The following EYA1 variants were observed in gnomAD, a reference collection of about 807,000 sequenced individuals.
The protein encoded by EYA1 is EYA transcriptional coactivator and phosphatase 1.
In EYA1, 16 loss-of-function variants were observed where a neutral mutation model predicts 82.0. The observed-to-expected ratio is 0.20, with a 90% CI of 0.13 to 0.30. The LOEUF is 0.30. Among genes scored for constraint, EYA1 ranks in the 10% least tolerant of loss-of-function variants. The probability of loss-of-function intolerance (pLI) is 1.00; values close to 1 mark genes in which losing one functional copy is unlikely to be tolerated. For missense variants in EYA1, 633 were observed against 730.7 expected, an observed-to-expected ratio of 0.87 and a Z score of 1.54; for synonymous variants, 261 against 264.4, an observed-to-expected ratio of 0.99 and a Z score of 0.12.
chr8:71,445,930 C>A (rs971841401), intron 2 of EYA1, among the ~76,000 whole-genome samples: 1 of 152,204 alleles, frequency 6.6e-6, no homozygotes, highest in Non-Finnish European at 1.5e-5. Flanking sequence ...CCTTTCTACT[C>A]TTATTTGGCT....
intron 2 of EYA1, among the ~76,000 whole-genome samples, chr8:71,528,861 G>A (rs1814025777): frequency 6.6e-6 from 1 of 152,176 alleles, no homozygotes; most frequent in Non-Finnish European, 1.5e-5. Context: ...GGCTTGGAAA[G>A]GCGAAAACAG....
In EYA1 at chr8:71,455,607, C is replaced by A. The variant is rs140454900; in HGVS notation, c.33+80137G>T. Among the ~76,000 whole-genome samples, 482 of 152,200 alleles carry A rather than the reference C, an allele frequency of 3.2e-3. 3 individuals carry two copies. The highest frequency in any genetic ancestry group is 0.011 in the African/African-American group (458 of 41,534). Reference sequence around the variant, plus strand: ...TGGGATGCAAGGCTGGTTCAATACACAGAAATCAATAAATATAATCCAGCA... The same window carrying A: ...TGGGATGCAAGGCTGGTTCAATACAAAGAAATCAATAAATATAATCCAGCA... On this transcript the variant is annotated intron_variant, in intron 2 of 18. Coordinates refer to the EYA1 transcript ENST00000643681.
intron 11 of EYA1, among the ~76,000 whole-genome samples, chr8:71,251,013 G>C (rs986396518): frequency 3.9e-5 from 6 of 152,200 alleles, no homozygotes; most frequent in Admixed American, 1.3e-4. Flanking sequence ...ACATAAGATA[G>C]TATTAAACAT....
intron 2 of EYA1, among the ~76,000 whole-genome samples, chr8:71,378,770 A>G (rs939314137): frequency 6.6e-6 from 1 of 152,184 alleles, no homozygotes; most frequent in Admixed American, 6.5e-5. Context: ...ACTACATCCT[A>G]AAGTCATAGA....
chr8:71,227,152 A>T (rs1041325789), intron 12 of EYA1, among the ~76,000 whole-genome samples: 2 of 152,176 alleles, frequency 1.3e-5, no homozygotes, highest in African/African-American at 4.8e-5. Flanking sequence ...CATTAAAAAA[A>T]CTCAGCACAC....
At chr8:71,356,766 T>C in intron 1 of EYA1, 3 of 1,182,900 alleles carry the variant, frequency 2.5e-6, no homozygotes, top group Non-Finnish European at 3.1e-6. Flanking sequence ...GATTCATCAC[T>C]GGCCTATGAC....
intron 16 of EYA1, among the ~76,000 whole-genome samples, chr8:71,211,978 C>T (rs4738116): frequency 0.34 from 51,634 of 151,998 alleles, 9,442 homozygotes; most frequent in East Asian, 0.76. Context: ...TATCTGTCTA[C>T]TATCTTTCCC....
At chr8:71,450,634 G>A (rs1183823853) in intron 2 of EYA1, among the ~76,000 whole-genome samples, 3 of 152,220 alleles carry the variant, frequency 2.0e-5, no homozygotes, top group Admixed American at 1.3e-4. Flanking sequence ...AGCATGTGCT[G>A]TTGGGAAAAT....
intron 2 of EYA1, among the ~76,000 whole-genome samples, chr8:71,368,869 G>GA (rs1364714178): frequency 4.6e-5 from 7 of 151,162 alleles, no homozygotes; most frequent in South Asian, 2.1e-4. Flanking sequence ...ACGTGAAAAG[G>GA]AAAAAAAATT....
chr8:71,217,137 A>T, intron 12 of EYA1, 114 bp from the exon 13 acceptor site: 1 of 783,496 alleles, frequency 1.3e-6, no homozygotes, highest in South Asian at 1.5e-5. Flanking sequence ...AGGATTTTTC[A>T]ACTATGTCAA....
chr8:71,357,204 G>A (rs1017508763), intron 1 of EYA1, among the ~76,000 whole-genome samples: 2 of 152,198 alleles, frequency 1.3e-5, no homozygotes, highest in African/African-American at 4.8e-5. Context: ...GTTCTGCCTG[G>A]TAAACCAGAA....
At chr8:71,520,615 A>G (rs1813327294) in intron 2 of EYA1, among the ~76,000 whole-genome samples, 1 of 152,136 alleles carries the variant, frequency 6.6e-6, no homozygotes, top group South Asian at 2.1e-4. Flanking sequence ...TCCAAAGTAA[A>G]CAGAATCACA....
At chr8:71,210,017 T>G (rs747160932) in intron 17 of EYA1, among the ~76,000 whole-genome samples, 1 of 152,226 alleles carries the variant, frequency 6.6e-6, no homozygotes, top group Non-Finnish European at 1.5e-5. Context: ...ATGGGAATTA[T>G]ATATCTTTAC....
intron 9 of EYA1, among the ~76,000 whole-genome samples, chr8:71,298,191 T>G (rs868463831): frequency 4.6e-5 from 7 of 152,152 alleles, no homozygotes; most frequent in Admixed American, 1.3e-4. Flanking sequence ...GAGAGGTAAT[T>G]TTTTCAATGT....
chr8:71,533,735 G>A (rs144759720), intron 2 of EYA1, among the ~76,000 whole-genome samples: 167 of 152,276 alleles, frequency 1.1e-3, no homozygotes, highest in African/African-American at 3.7e-3. Context: ...GTCCTCACAC[G>A]AGGCCTCTGA....
chr8:71,338,317 G>A (rs1563493382), intron 3 of EYA1, among the ~76,000 whole-genome samples: 1 of 152,206 alleles, frequency 6.6e-6, no homozygotes, highest in South Asian at 2.1e-4. Flanking sequence ...AAAAGGCAGT[G>A]TATATTTTCT....
intron 2 of EYA1, among the ~76,000 whole-genome samples, chr8:71,463,452 A>G (rs1808519064): frequency 1.3e-5 from 2 of 152,246 alleles, no homozygotes; most frequent in African/African-American, 4.8e-5. Flanking sequence ...AGCTTCATGT[A>G]TCATGACACA....
chr8:71,301,557 T>G (rs1196519019), intron 7 of EYA1, among the ~76,000 whole-genome samples: 1 of 152,178 alleles, frequency 6.6e-6, no homozygotes, highest in African/African-American at 2.4e-5. Context: ...TTTAAAAGCT[T>G]GAGCCAAGAA....
intron 9 of EYA1, among the ~76,000 whole-genome samples, chr8:71,273,342 G>C (rs1193157086): frequency 6.6e-6 from 1 of 152,156 alleles, no homozygotes; most frequent in Non-Finnish European, 1.5e-5. Flanking sequence ...TAGTTTATTT[G>C]GGATGCATTT....
Sources: gnomAD v4.1 joint callset for allele counts (sites outside exome capture counted in the v4.1 genomes callset) on GRCh38, gnomAD v4.1.1 for gene constraint, MANE v1.5 for transcripts, NCBI Gene and HGNC (gene_info 2026-07-23, HGNC 2026-07-21) for gene names.